The following TATDN1 variants were observed in gnomAD, a reference collection of about 807,000 sequenced individuals.
TATDN1 encodes the protein TatD DNase domain containing 1, also known as deoxyribonuclease TATDN1.
A neutral mutation model predicts 46.4 loss-of-function variants in TATDN1; 40 were observed. The observed-to-expected ratio is 0.86, with a 90% CI of 0.67 to 1.12. TATDN1 has a LOEUF of 1.12. Among genes scored for constraint, TATDN1 ranks in the 50% most tolerant of loss-of-function variants. The pLI is 0.00. For synonymous variants in TATDN1, 95 were observed against 105.6 expected, an observed-to-expected ratio of 0.90 and a Z score of 0.62; for missense variants, 326 against 348.4, an observed-to-expected ratio of 0.94 and a Z score of 0.51.
intron 2 of TATDN1, 57 bp from the exon 3 acceptor site, chr8:124,522,257 T>C (rs1820114240): frequency 9.0e-7 from 1 of 1,112,834 alleles, no homozygotes; most frequent in Admixed American, 2.1e-5. Context: ...TTGACTTTTT[T>C]TTTTAGCTTC....
intron 3 of TATDN1, chr8:124,521,906 T>C: frequency 3.1e-6 from 1 of 327,238 alleles, no homozygotes; most frequent in Middle Eastern, 8.5e-4. Flanking sequence ...GTTTAAAAAA[T>C]TTTTTTTCAA....
rs774455986 is a variant in TATDN1, at chr8:124,504,289, T to C, written c.575A>G (p.Tyr192Cys). Residue 192 changes from tyrosine (Y) to cysteine (C), a missense_variant, in exon 9 of 12, where the codon TAT becomes TGT. Tyr to Cys is a radical substitution (Grantham distance 194). Transcript: ENST00000276692. ...AACGTACCAACCATTAAATCCTATATAAAGATCCAAGTCAATCAAAGCAGC... is the reference window on the plus strand; with the variant it reads ...AACGTACCAACCATTAAATCCTATACAAAGATCCAAGTCAATCAAAGCAGC... The part of the protein sequence containing the change: ...AAAALIDLDL[Y>C]IGFNGCSLKT... The C allele has an allele frequency of 6.2e-7, 1 of 1,606,766 alleles. No homozygotes were observed. Among genetic ancestry groups the C allele is most frequent in the Non-Finnish European group, 8.5e-7 (1 of 1,177,312 alleles).
chr8:124,490,963 T>C (rs757579535), intron 11 of TATDN1: 6 of 152,182 alleles, frequency 3.9e-5, no homozygotes, highest in Non-Finnish European at 7.3e-5. Context: ...TTTGTATTTT[T>C]AGTAGAGACA....
chr8:124,531,898 T>A (rs1820993766), intron 1 of TATDN1, among the ~76,000 whole-genome samples: 1 of 152,256 alleles, frequency 6.6e-6, no homozygotes, highest in Non-Finnish European at 1.5e-5. Context: ...AGGTTGTTTG[T>A]CTTTGCAGGG....
At chr8:124,489,371 CTCCCT>C (rs1816721555) in intron 11 of TATDN1, 1 of 151,622 alleles carries the variant, frequency 6.6e-6, no homozygotes, top group African/African-American at 2.4e-5. Context: ...CTTCCCTTCC[CTCCCT>C]TCCTTTCCTT....
Position 124,515,915 on chromosome 8 carries a change from T to C in TATDN1, c.318A>G (p.Lys106=). Residue 106 remains lysine (K), a synonymous_variant, in exon 5 of 12, where the codon AAA becomes AAG. Coordinates refer to ENST00000276692, the MANE Select transcript of TATDN1 (RefSeq NM_032026.4). ...LLNLAENNKG[K]VVAIGECGLD... is the part of the protein sequence containing the mutation. Reference sequence around the variant, plus strand: ...GTCCGCATTCTCCTATTGCCACAACTTTCCCTTTATTGTTTTCAGCAAGAT... The same window carrying C: ...GTCCGCATTCTCCTATTGCCACAACCTTCCCTTTATTGTTTTCAGCAAGAT... The C allele has an allele frequency of 6.2e-7, 1 of 1,614,070 alleles. No individual in the cohort carries two copies. The highest frequency in any genetic ancestry group is 1.3e-5 in the African/African-American group (1 of 75,042).
At chr8:124,532,246 A>G (rs551841605) in intron 1 of TATDN1, among the ~76,000 whole-genome samples, 22 of 152,312 alleles carry the variant, frequency 1.4e-4, no homozygotes, top group African/African-American at 5.3e-4. Context: ...CTAGGGCTCA[A>G]TGAGCCTGAA....
chr8:124,539,032 C>A lies in TATDN1; in HGVS notation c.15G>T (p.Lys5Asn). Reference protein sequence around the residue: MSRFKFIDIGINLTD... With the variant: MSRFNFIDIGINLTD... ...GGAAAACGCTCCTCTTACCGATAAA[C>A]TTGAAGCGACTCATGACTGCGCATG... Residue 5 changes from lysine (K) to asparagine (N), a missense_variant, in exon 1 of 12, where the codon AAG becomes AAT. By Grantham distance (94) the Lys-to-Asn change is moderately conservative (BLOSUM62 0). Coordinates refer to ENST00000276692, the MANE Select transcript of TATDN1 (RefSeq NM_032026.4). 1 of 1,614,172 alleles carries A rather than the reference C, an allele frequency of 6.2e-7. No individual in the cohort carries two copies. The highest frequency in any genetic ancestry group is 8.5e-7 in the Non-Finnish European group (1 of 1,179,996).
chr8:124,498,801 C>T (rs550936890), intron 9 of TATDN1, among the ~76,000 whole-genome samples: 1 of 152,080 alleles, frequency 6.6e-6, no homozygotes, highest in Non-Finnish European at 1.5e-5. Context: ...CAGGCGCACA[C>T]CACCACACCC....
chr8:124,512,904 T>C (rs780770076), intron 6 of TATDN1, among the ~76,000 whole-genome samples: 2 of 152,058 alleles, frequency 1.3e-5, no homozygotes, highest in Non-Finnish European at 2.9e-5. Flanking sequence ...AAAATGTGAT[T>C]GTTACTAGTG....
intron 8 of TATDN1, 125 bp downstream of exon 8, chr8:124,508,349 G>A: frequency 1.4e-6 from 1 of 716,086 alleles, no homozygotes; most frequent in Non-Finnish European, 2.3e-6. Flanking sequence ...GAAAGCAAAG[G>A]TGTCATTATC....
chr8:124,520,431 G>A (rs1293906147), intron 3 of TATDN1, among the ~76,000 whole-genome samples: 12 of 145,340 alleles, frequency 8.3e-5, no homozygotes, highest in East Asian at 2.0e-4. Context: ...AGCGAGACTC[G>A]CCTCCAGAAA....
chr8:124,495,196 A>G (rs1016541160), intron 10 of TATDN1: 7 of 427,272 alleles, frequency 1.6e-5, no homozygotes, highest in Non-Finnish European at 2.9e-5. Context: ...CCCCTTGTTT[A>G]GCTAAGTACT....
At chr8:124,515,654 G>T in intron 6 of TATDN1, 92 bp downstream of exon 6, 1 of 1,269,948 alleles carries the variant, frequency 7.9e-7, no homozygotes, top group Non-Finnish European at 1.1e-6. Flanking sequence ...ATATCCTCAT[G>T]CTTAATCCAA....
intron 6 of TATDN1, among the ~76,000 whole-genome samples, 158 bp from the exon 7 acceptor site, chr8:124,508,846 G>T (rs1818750282): frequency 6.6e-6 from 1 of 152,102 alleles, no homozygotes; most frequent in Admixed American, 6.6e-5. Context: ...CTTATCAAAG[G>T]GCTTTTATAA....
chr8:124,527,026 A>G (rs1478362759), intron 1 of TATDN1, among the ~76,000 whole-genome samples: 4 of 152,222 alleles, frequency 2.6e-5, no homozygotes, highest in Non-Finnish European at 5.9e-5. Context: ...TACATTAGGG[A>G]AGAACTTTAT....
intron 4 of TATDN1, 88 bp from the exon 5 acceptor site, chr8:124,516,118 T>C: frequency 4.3e-6 from 5 of 1,168,606 alleles, no homozygotes; most frequent in Non-Finnish European, 5.7e-6. Flanking sequence ...TCAAGTAATT[T>C]CAACTGGTTT....
chr8:124,525,806 A>T (rs1820436611), intron 1 of TATDN1, among the ~76,000 whole-genome samples: 1 of 152,210 alleles, frequency 6.6e-6, no homozygotes, highest in African/African-American at 2.4e-5. Flanking sequence ...TATGTTTTGA[A>T]CATTAAGACT....
intron 9 of TATDN1, among the ~76,000 whole-genome samples, chr8:124,496,739 C>T (rs1463018093): frequency 6.6e-6 from 1 of 152,136 alleles, no homozygotes; most frequent in African/African-American, 2.4e-5. Context: ...TGGTTGCTTC[C>T]TTATGTAGCA....
Sources: gnomAD v4.1 joint callset for allele counts (sites outside exome capture counted in the v4.1 genomes callset) on GRCh38, gnomAD v4.1.1 for gene constraint, MANE v1.5 for transcripts, NCBI Gene and HGNC (gene_info 2026-07-23, HGNC 2026-07-21) for gene names.